VAPA: variants seen among roughly 807,000 people sequenced by gnomAD.
VAPA encodes the protein VAMP associated protein A, also known as vesicle-associated membrane protein-associated protein A.
Under a neutral mutation model 25.6 loss-of-function variants are expected in VAPA, and 6 were observed. That is an observed-to-expected ratio of 0.23 (90% CI 0.13 to 0.46). The LOEUF is 0.46. VAPA is among the 20% of genes least tolerant of loss of function. VAPA has a pLI of 0.99. For missense variants in VAPA, 244 were observed against 302.1 expected, an observed-to-expected ratio of 0.81 and a Z score of 1.43; for synonymous variants, 112 against 106.2, an observed-to-expected ratio of 1.05 and a Z score of -0.34.
chr18:9,928,655 C>T (rs2069223480), intron 1 of VAPA, among the ~76,000 whole-genome samples: 1 of 152,032 alleles, frequency 6.6e-6, no homozygotes. Context: ...TATAAAATGA[C>T]CAACATATGT....
chr18:9,931,674 G>A (rs1235477072), intron 1 of VAPA, 136 bp from the exon 2 acceptor site: 8 of 635,766 alleles, frequency 1.3e-5, no homozygotes, highest in East Asian at 1.2e-4. Flanking sequence ...GGCAGTGTTA[G>A]TAGCCATTTG....
At chr18:9,928,875 A>C (rs1015625752) in intron 1 of VAPA, among the ~76,000 whole-genome samples, 5 of 152,188 alleles carry the variant, frequency 3.3e-5, no homozygotes, top group Admixed American at 3.3e-4. Context: ...GTAAGTTTGG[A>C]TTTAAGAGAA....
At chr18:9,945,350 CTTTTTTTTTTTTTTTTT>C (rs869048248) in intron 4 of VAPA, among the ~76,000 whole-genome samples, 3 of 57,272 alleles carry the variant, frequency 5.2e-5, no homozygotes, top group Non-Finnish European at 8.7e-5. Flanking sequence ...GGAATATACT[CTTTTTTTTTTTTTTTTT>C]TTTTTTTTTT....
intron 1 of VAPA, among the ~76,000 whole-genome samples, chr18:9,931,373 C>G (rs187287097): frequency 3.9e-5 from 6 of 152,254 alleles, no homozygotes; most frequent in Non-Finnish European, 7.4e-5. Flanking sequence ...TGAGGTGAAG[C>G]AAAAGCACTG....
At chr18:9,914,365 G>A in intron 1 of VAPA, 30 bp downstream of exon 1, 2 of 1,548,046 alleles carry the variant, frequency 1.3e-6, no homozygotes, top group South Asian at 1.2e-5. Flanking sequence ...CCCCGGGTGG[G>A]GTGGGGCGCG....
At chr18:9,933,825 A>C (rs2069280825) in intron 2 of VAPA, among the ~76,000 whole-genome samples, 1 of 152,254 alleles carries the variant, frequency 6.6e-6, no homozygotes, top group South Asian at 2.1e-4. Context: ...GGCGTGAGCC[A>C]CTGCGCCTGG....
chr18:9,948,511 G>C (rs1174709974), intron 4 of VAPA: 1 of 152,084 alleles, frequency 6.6e-6, no homozygotes, highest in Non-Finnish European at 1.5e-5. Context: ...AAAATAATCA[G>C]TTGTCGAGCT....
At chr18:9,952,629 C>A (rs559920306) in intron 5 of VAPA, among the ~76,000 whole-genome samples, 4 of 151,702 alleles carry the variant, frequency 2.6e-5, no homozygotes, top group African/African-American at 9.7e-5. Context: ...ACCCTATACA[C>A]AGGCCCACCA....
At chr18:9,939,227 A>G (rs2069341911) in intron 4 of VAPA, among the ~76,000 whole-genome samples, 1 of 148,202 alleles carries the variant, frequency 6.7e-6, no homozygotes, top group African/African-American at 2.5e-5. Flanking sequence ...GCTGGAGTGC[A>G]GTGGCACGAT....
intron 1 of VAPA, among the ~76,000 whole-genome samples, chr18:9,922,636 G>A (rs536185196): frequency 6.6e-6 from 1 of 152,094 alleles, no homozygotes; most frequent in South Asian, 2.1e-4. Flanking sequence ...ATGGTTATAG[G>A]TTTCAGACCT....
intron 1 of VAPA, among the ~76,000 whole-genome samples, chr18:9,924,219 A>T (rs1416946343): frequency 6.6e-6 from 1 of 152,150 alleles, no homozygotes; most frequent in Non-Finnish European, 1.5e-5. Flanking sequence ...TTCTCTGAAA[A>T]TGTACCTTCT....
chr18:9,916,036 A>T (rs1475170312), intron 1 of VAPA, among the ~76,000 whole-genome samples: 1 of 152,184 alleles, frequency 6.6e-6, no homozygotes, highest in African/African-American at 2.4e-5. Context: ...TTTACAGTGA[A>T]CATTTCCTCT....
At chr18:9,945,778 G>T (rs1178813516) in intron 4 of VAPA, among the ~76,000 whole-genome samples, 2 of 151,930 alleles carry the variant, frequency 1.3e-5, no homozygotes, top group African/African-American at 4.8e-5. Flanking sequence ...TTGTGATTGG[G>T]AATTATTTAC....
In VAPA at chr18:9,958,858, A is replaced by C. The variant is rs2069577940; in HGVS notation, c.*4647A>C. ...TGAATAAATGAGCTGTCATCGCAAA[A>C]AGGCGATTTGAGAAATGTGGGCTTC... On this transcript the variant is annotated 3_prime_UTR_variant, in exon 6 of 6. Coordinates refer to ENST00000400000, the MANE Select transcript of VAPA (RefSeq NM_194434.3). The C allele has an allele frequency of 6.6e-6, 1 of 152,210 alleles. No individual in the cohort carries two copies. Among genetic ancestry groups the C allele is most frequent in the Non-Finnish European group, 1.5e-5 (1 of 68,034 alleles). 9.4% of individuals were successfully genotyped at this position (152,210 alleles called of 1,614,324 possible). A position where few individuals can be genotyped will look rare whatever the true frequency, so the allele number is the denominator to read the frequency against.
rs564347520 is a variant in VAPA, at chr18:9,959,786, T to G, written c.*5575T>G. ...AATGGTAAGGAATTGGAATCTTTTG[T>G]ATTTTCGAGCAATAAGAATTCCTAT... On this transcript the variant is annotated 3_prime_UTR_variant, in exon 6 of 6. Transcript: ENST00000400000. The G allele has an allele frequency of 5.3e-5, 8 of 151,706 alleles. No individual in the cohort carries two copies. The South Asian group carries it at 1.5e-3, about 28-fold the overall frequency. 9.4% of individuals were successfully genotyped at this position (151,706 alleles called of 1,614,324 possible).
chr18:9,956,594 CTCTGTT>C lies in VAPA; in HGVS notation c.*2390_*2395del, dbSNP rs1279093256. 2 of 152,526 alleles carry C rather than the reference CTCTGTT, an allele frequency of 1.3e-5. No individual in the cohort carries two copies. The highest frequency in any genetic ancestry group is 1.3e-4 in the Admixed American group (2 of 15,274). 9.4% of individuals were successfully genotyped at this position (152,526 alleles called of 1,614,324 possible). A position where few individuals can be genotyped will look rare whatever the true frequency, so the allele number is the denominator to read the frequency against. ...AGATGCTCTGATTGTATAGGTGAGA[CTCTGTT>C]TCTGTTATTTTTAATTGCTGTATGA... On this transcript the variant is annotated 3_prime_UTR_variant, in exon 6 of 6. Coordinates refer to ENST00000400000, the MANE Select transcript of VAPA (RefSeq NM_194434.3).
chr18:9,955,479 G>C lies in VAPA; in HGVS notation c.*1268G>C, dbSNP rs1057444540. The stretch of plus-strand genomic sequence containing the variant: ...ATTCATACTAGGATAGAAAATTTTG[G>C]AATCAGAAAATAGATCCAGTGTTTA... On this transcript the variant is annotated 3_prime_UTR_variant, in exon 6 of 6. Transcript: ENST00000400000. 6.6e-6 allele frequency: 1 copy of C among 152,118 alleles called. No homozygotes were observed. The highest frequency in any genetic ancestry group is 2.4e-5 in the African/African-American group (1 of 41,436). 9.4% of individuals were successfully genotyped at this position (152,118 alleles called of 1,614,324 possible).
In VAPA at chr18:9,955,312, C is replaced by T. The variant is rs929459836; in HGVS notation, c.*1101C>T. The T allele has an allele frequency of 2.6e-5, 4 of 152,148 alleles. No individual in the cohort carries two copies. The highest frequency in any genetic ancestry group is 5.9e-5 in the Non-Finnish European group (4 of 68,022). The allele number at this position is 152,148 out of a possible 1,614,324, so 9.4% of individuals were successfully genotyped here. ...TGTTCATTATGGAAGTTTGGTAATA[C>T]TGAGCAAGCCTGTGGAATTTTCTTT... On this transcript the variant is annotated 3_prime_UTR_variant, in exon 6 of 6. Transcript: ENST00000400000.
At chr18:9,931,785 T>C in intron 1 of VAPA, 25 bp from the exon 2 acceptor site, 1 of 1,576,180 alleles carries the variant, frequency 6.3e-7, no homozygotes, top group Non-Finnish European at 8.6e-7. Flanking sequence ...AATTTTGTTT[T>C]CTCTTTAATT....
Sources: gnomAD v4.1 joint callset for allele counts (sites outside exome capture counted in the v4.1 genomes callset) on GRCh38, gnomAD v4.1.1 for gene constraint, MANE v1.5 for transcripts, NCBI Gene and HGNC (gene_info 2026-07-23, HGNC 2026-07-21) for gene names.